Variants in PPP1R12B observed in about 807,000 individuals in gnomAD.
PPP1R12B encodes myosin phosphatase target subunit 2.
In PPP1R12B, 76 loss-of-function variants were observed where a neutral mutation model predicts 126.1. The observed-to-expected ratio is 0.60, with a 90% confidence interval of 0.50 to 0.73. The LOEUF (loss-of-function observed/expected upper bound fraction) is 0.73. Among genes scored for constraint, PPP1R12B ranks in the 30% least tolerant of loss-of-function variants. The pLI, the probability that PPP1R12B is intolerant of heterozygous loss-of-function variation, is 0.00. For missense variants in PPP1R12B, 1,052 were observed against 1,205.1 expected (o/e 0.87, Z 1.88); for synonymous variants, 356 against 434.7 (o/e 0.82, Z 2.25).
rs953058405 is a variant in PPP1R12B at position 202,558,680 on chromosome 1, G to C, written c.2491-197G>C. The C allele has an allele frequency of 1.4e-5, 7 of 513,588 alleles. No individual in the cohort carries two copies. In the Admixed American group the frequency reaches 1.6e-4, roughly 12 times the overall value. The allele number at this position is 513,588 out of a possible 1,614,324, so 31.8% of individuals were successfully genotyped here. A position where few individuals can be genotyped will look rare whatever the true frequency, so the allele number is the denominator to read the frequency against. On this transcript the variant is annotated intron_variant, in intron 18 of 23. Coordinates refer to ENST00000608999, the MANE Select transcript of PPP1R12B (RefSeq NM_002481.4). ...TGAATCATGGCATGCAAAGAAGTGT[G>C]AACTAGGGCTAAGTCACCTTTGTGT... is the stretch of plus-strand genomic sequence containing the variant.
In PPP1R12B at chr1:202,587,710, T is replaced by G. The variant is rs1202061158; in HGVS notation, c.*7150T>G. ...GAGTGCCAGTCGTCGGGGCCCACTA[T>G]TCCTGAATAAGGGACATGCAAGGGC... On this transcript the variant is annotated 3_prime_UTR_variant, in exon 24 of 24. Coordinates refer to ENST00000608999, the MANE Select transcript of PPP1R12B (RefSeq NM_002481.4). The G allele has an allele frequency of 1.3e-5, 2 of 152,166 alleles. No homozygotes were observed. Among genetic ancestry groups the G allele is most frequent in the Non-Finnish European group, 2.9e-5 (2 of 68,036 alleles). 9.4% of individuals were successfully genotyped at this position (152,166 alleles called of 1,614,324 possible). A position where few individuals can be genotyped will look rare whatever the true frequency, so the allele number is the denominator to read the frequency against.
intron 1 of PPP1R12B, among the ~76,000 whole-genome samples, chr1:202,386,217 C>T (rs1663115977): frequency 6.6e-6 from 1 of 151,454 alleles, no homozygotes; most frequent in Middle Eastern, 3.5e-3. Flanking sequence ...CGTGAGCCAC[C>T]GCACCCAGCC....
chr1:202,477,673 A>G (rs1193123365), intron 13 of PPP1R12B, among the ~76,000 whole-genome samples: 1 of 152,118 alleles, frequency 6.6e-6, no homozygotes, highest in African/African-American at 2.4e-5. Context: ...GGGCTCAAGC[A>G]ATTCTCCCAA....
intron 18 of PPP1R12B, among the ~76,000 whole-genome samples, chr1:202,543,875 G>A (rs1246591993): frequency 2.0e-5 from 3 of 152,070 alleles, no homozygotes; most frequent in Non-Finnish European, 2.9e-5. Flanking sequence ...TTGCTATTTT[G>A]GTCTCTGTTG....
intron 13 of PPP1R12B, among the ~76,000 whole-genome samples, chr1:202,480,650 ATACT>A (rs1393477790): frequency 6.6e-6 from 1 of 152,232 alleles, no homozygotes; most frequent in Non-Finnish European, 1.5e-5. Flanking sequence ...CAGCTTCCCA[ATACT>A]TAAAGACTGT....
chr1:202,359,227 C>G (rs1657692344), intron 1 of PPP1R12B, among the ~76,000 whole-genome samples: 1 of 152,120 alleles, frequency 6.6e-6, no homozygotes, highest in South Asian at 2.1e-4. Context: ...CCACTGCAAC[C>G]TCCACCTCCC....
chr1:202,382,576 CTT>C (rs1344254351), intron 1 of PPP1R12B, among the ~76,000 whole-genome samples: 62 of 151,174 alleles, frequency 4.1e-4, no homozygotes, highest in African/African-American at 1.4e-3. Context: ...TCTTTGAGAG[CTT>C]TAAAAAAATT....
rs1689486626 is a variant in PPP1R12B, at chr1:202,580,471, C to T, written c.2863-3C>T. 2.5e-6 allele frequency: 4 copies of T among 1,611,784 alleles called. No individual in the cohort carries two copies. Among genetic ancestry groups the T allele is most frequent in the Middle Eastern group, 1.7e-4 (1 of 6,052 alleles). ...ACTCACCTTTCCCTCTGTCACCCTA[C>T]AGGTGTTAACAGAACTGAAATCCGA... On this transcript the variant is annotated splice_region_variant and splice_polypyrimidine_tract_variant and intron_variant, in intron 23 of 23. Transcript: ENST00000608999.
chr1:202,447,035 C>G (rs1255466933), intron 12 of PPP1R12B, among the ~76,000 whole-genome samples: 1 of 152,144 alleles, frequency 6.6e-6, no homozygotes, highest in African/African-American at 2.4e-5. Flanking sequence ...CCCAGAAGTA[C>G]TAGTTGTCTG....
rs749747599 is a variant in PPP1R12B, at chr1:202,449,055, C to T, written c.1734C>T (p.Thr578=). The T allele has an allele frequency of 1.2e-6, 2 of 1,613,872 alleles. No individual in the cohort carries two copies. Among genetic ancestry groups the T allele is most frequent in the Non-Finnish European group, 1.7e-6 (2 of 1,179,850 alleles). Residue 578 remains threonine, a synonymous_variant, in exon 13 of 24, where the codon ACC becomes ACT. Transcript: ENST00000608999. ...EKTADNVSSS[T]PLCVITNRPL... is the part of the protein sequence containing the mutation. Reference sequence around the variant, plus strand: ...CAGCAGACAATGTCTCTTCTAGCACCCCGCTCTGTGTGATCACCAATCGCC... The same window carrying T: ...CAGCAGACAATGTCTCTTCTAGCACTCCGCTCTGTGTGATCACCAATCGCC...
rs531612370 is a variant in PPP1R12B, at chr1:202,498,703, C to T, written c.2490+1881C>T. On this transcript the variant is annotated intron_variant, in intron 18 of 23. Transcript: ENST00000608999. Reference sequence around the variant, plus strand: ...CAAGACAATCAGTAGTATCTTATGACCACCTCTCTACCCCAGCTCCATTTT... The same window carrying T: ...CAAGACAATCAGTAGTATCTTATGATCACCTCTCTACCCCAGCTCCATTTT... 3.3e-5 allele frequency among the ~76,000 whole-genome samples: 5 copies of T among 152,288 alleles called. No homozygotes were observed. In the South Asian group the frequency reaches 1.0e-3, roughly 32 times the overall value.
intron 1 of PPP1R12B, among the ~76,000 whole-genome samples, chr1:202,385,830 A>G (rs1237955349): frequency 1.3e-5 from 2 of 152,140 alleles, no homozygotes; most frequent in Admixed American, 1.3e-4. Context: ...CTTTTTTAGT[A>G]AGGATTTTAT....
intron 19 of PPP1R12B, among the ~76,000 whole-genome samples, chr1:202,560,755 G>T (rs1687434530): frequency 6.6e-6 from 1 of 152,128 alleles, no homozygotes; most frequent in African/African-American, 2.4e-5. Flanking sequence ...ATTCAAGATG[G>T]AGTTGCTGTG....
rs1480693104 is a variant in PPP1R12B, at chr1:202,432,291, CAG to C, written c.1141+675_1141+676del. Among the ~76,000 whole-genome samples, 8 of 149,226 alleles carry C rather than the reference CAG, an allele frequency of 5.4e-5. No individual in the cohort carries two copies. The East Asian group carries it at 9.8e-4, about 18-fold the overall frequency. On this transcript the variant is annotated intron_variant, in intron 8 of 23. Coordinates refer to ENST00000608999, the MANE Select transcript of PPP1R12B (RefSeq NM_002481.4). ...TAGGGCTTCTTTTTTTTTTTTGAGA[CAG>C]AGTCTCGCTCTGTTGCCCAGGCTGG...
intron 18 of PPP1R12B, among the ~76,000 whole-genome samples, chr1:202,542,545 C>T (rs1685233324): frequency 6.6e-6 from 1 of 152,172 alleles, no homozygotes; most frequent in South Asian, 2.1e-4. Context: ...CAGTTAAAAG[C>T]TTAAGTAGCT....
chr1:202,438,409 C>A, intron 10 of PPP1R12B: 1 of 547,930 alleles, frequency 1.8e-6, no homozygotes, highest in Non-Finnish European at 3.1e-6. Context: ...GCTTCGTGTG[C>A]TGAACCCTCT....
intron 5 of PPP1R12B, chr1:202,428,652 A>G (rs1669848002): frequency 7.6e-6 from 4 of 529,200 alleles, no homozygotes; most frequent in East Asian, 3.5e-5. Flanking sequence ...TACAAACTCT[A>G]TATTTAAAGG....
At chr1:202,366,190 C>T (rs747662694) in intron 1 of PPP1R12B, among the ~76,000 whole-genome samples, 1 of 152,016 alleles carries the variant, frequency 6.6e-6, no homozygotes, top group East Asian at 1.9e-4. Context: ...TGTAAGACCC[C>T]TGGTAAACTA....
chr1:202,437,669 G>A (rs1177183737), intron 9 of PPP1R12B, 152 bp from the exon 10 acceptor site: 2 of 693,554 alleles, frequency 2.9e-6, no homozygotes, highest in African/African-American at 3.6e-5. Flanking sequence ...GGTGAGGGAG[G>A]GAACATGGGC....
Sources: allele counts gnomAD v4.1 joint callset (sites outside exome capture counted in the v4.1 genomes callset), GRCh38; gene constraint gnomAD v4.1.1; transcripts MANE v1.5; gene names NCBI Gene and HGNC (gene_info 2026-07-23, HGNC 2026-07-21).